Variants in LRSAM1 observed in about 807,000 individuals in gnomAD.
LRSAM1 encodes the protein E3 ubiquitin-protein ligase LRSAM1.
LRSAM1 carries 96 observed loss-of-function variants against 118.1 expected under a neutral mutation model. That is an observed-to-expected ratio of 0.81 (90% CI 0.69 to 0.96). The LOEUF is 0.96. Ranked by LOEUF, LRSAM1 falls within the 40% of genes least tolerant of loss-of-function variation. LRSAM1 has a pLI of 0.00. For missense variants in LRSAM1, 804 were observed against 915.5 expected, an observed-to-expected ratio of 0.88 and a Z score of 1.57; for synonymous variants, 322 against 364.2, an observed-to-expected ratio of 0.88 and a Z score of 1.32.
chr9:127,461,640 A>C (rs990108416), intron 8 of LRSAM1, among the ~76,000 whole-genome samples: 2 of 152,236 alleles, frequency 1.3e-5, no homozygotes, highest in African/African-American at 4.8e-5. Flanking sequence ...TGAGGAGTCC[A>C]CTGGGCAGGC....
chr9:127,458,401 AAAC>A (rs1834607208), intron 6 of LRSAM1, among the ~76,000 whole-genome samples: 1 of 150,836 alleles, frequency 6.6e-6, no homozygotes, highest in Non-Finnish European at 1.5e-5. Context: ...AAACAAAACA[AAAC>A]AAAACAAAAC....
chr9:127,501,029 T>G lies in LRSAM1; in HGVS notation c.1932T>G (p.Gly644=). ...RIQPELKPPM[G]EVVTPTAPQE... ...CCACAGAGCTGAAACCACCAATGGG[T>G]GAGGTCGTCACCCCTACGGCCCCCC... The change falls in exon 25 of 26, where the codon GGT becomes GGG. Residue 644 remains glycine, a synonymous_variant. Transcript: ENST00000300417. 3 of 1,613,808 alleles carry G rather than the reference T, an allele frequency of 1.9e-6. No homozygotes were observed. Among genetic ancestry groups the G allele is most frequent in the Non-Finnish European group, 2.5e-6 (3 of 1,179,980 alleles).
intron 3 of LRSAM1, 99 bp from the exon 4 acceptor site, chr9:127,454,899 G>C: frequency 1.7e-6 from 2 of 1,175,196 alleles, no homozygotes; most frequent in Admixed American, 3.4e-5. Context: ...AGTGTCTATG[G>C]TCCTTTGCAG....
chr9:127,474,240 A>C (rs1588115048), intron 11 of LRSAM1, among the ~76,000 whole-genome samples: 1 of 145,576 alleles, frequency 6.9e-6, no homozygotes, highest in African/African-American at 2.5e-5. Context: ...CTCCCCACTC[A>C]CTTGTCTTAT....
intron 18 of LRSAM1, 121 bp from the exon 19 acceptor site, chr9:127,489,323 C>A: frequency 1.7e-6 from 2 of 1,166,530 alleles, no homozygotes; most frequent in Non-Finnish European, 2.5e-6. Context: ...TCTTCTCCCT[C>A]TCTCAGAAAA....
chr9:127,503,149 C>G lies in LRSAM1; in HGVS notation c.*250C>G. The G allele has an allele frequency of 1.8e-6, 1 of 549,258 alleles. No homozygotes were observed. Among genetic ancestry groups the G allele is most frequent in the South Asian group, 2.0e-5 (1 of 50,026 alleles). 34.0% of individuals were successfully genotyped at this position (549,258 alleles called of 1,614,324 possible). On this transcript the variant is annotated 3_prime_UTR_variant, in exon 26 of 26. Coordinates refer to ENST00000300417, the MANE Select transcript of LRSAM1 (RefSeq NM_001005373.4). The stretch of plus-strand genomic sequence containing the variant: ...GGCTGGAGAGGCCGCTGCACCACCA[C>G]CCGAGCCTGGGAGCCAGCGTCCCAG...
chr9:127,457,501 T>A, intron 6 of LRSAM1, 108 bp downstream of exon 6: 1 of 967,446 alleles, frequency 1.0e-6, no homozygotes, highest in Non-Finnish European at 1.6e-6. Flanking sequence ...GGGCCCAATC[T>A]ACCAGTCAGT....
chr9:127,495,481 G>A (rs545983239), intron 22 of LRSAM1, 63 bp downstream of exon 22: 1 of 1,341,300 alleles, frequency 7.5e-7, no homozygotes, highest in Non-Finnish European at 1.1e-6. Context: ...AGAGGCGCCT[G>A]TGGTGCCTCC....
chr9:127,454,071 C>T (rs12350192), intron 2 of LRSAM1: 8,881 of 245,184 alleles, frequency 0.036, 11 homozygotes, highest in African/African-American at 0.091. Context: ...CCCCTGCCCC[C>T]GTGGAACTCA....
chr9:127,474,518 T>C (rs1181009990), intron 11 of LRSAM1, among the ~76,000 whole-genome samples: 1 of 152,188 alleles, frequency 6.6e-6, no homozygotes, highest in Non-Finnish European at 1.5e-5. Flanking sequence ...CAGAGTGCCC[T>C]GCACAGTTCC....
intron 11 of LRSAM1, among the ~76,000 whole-genome samples, chr9:127,476,640 G>A (rs959347219): frequency 6.6e-6 from 1 of 152,052 alleles, no homozygotes; most frequent in Non-Finnish European, 1.5e-5. Context: ...TGATGATGAA[G>A]TGGCATGAGC....
At chr9:127,456,659 T>A (rs1384624280) in intron 5 of LRSAM1, among the ~76,000 whole-genome samples, 1 of 151,796 alleles carries the variant, frequency 6.6e-6, no homozygotes, top group Non-Finnish European at 1.5e-5. Flanking sequence ...GGTCAGGAGA[T>A]CAAGACCATC....
At chr9:127,497,444 T>G in intron 24 of LRSAM1, 110 bp downstream of exon 24, 1 of 1,086,972 alleles carries the variant, frequency 9.2e-7, no homozygotes, top group Non-Finnish European at 1.4e-6. Flanking sequence ...GGGCTGGTTC[T>G]AGCCTCTGCT....
intron 11 of LRSAM1, 121 bp from the exon 12 acceptor site, chr9:127,478,813 C>T: frequency 1.1e-6 from 1 of 909,324 alleles, no homozygotes; most frequent in East Asian, 2.5e-5. Flanking sequence ...CATTCTGAGG[C>T]AGTGGTCTGG....
chr9:127,459,134 G>A (rs1834639757), intron 7 of LRSAM1, 63 bp downstream of exon 7: 1 of 1,521,174 alleles, frequency 6.6e-7, no homozygotes, highest in African/African-American at 1.4e-5. Flanking sequence ...AGTCACTCAA[G>A]CCTGGAATGT....
intron 7 of LRSAM1, among the ~76,000 whole-genome samples, chr9:127,459,784 C>T (rs535135359): frequency 1.3e-5 from 2 of 152,236 alleles, no homozygotes; most frequent in Non-Finnish European, 2.9e-5. Context: ...ACCTCAAACT[C>T]CTGGCCTCAG....
chr9:127,483,750 G>A (rs1373198381), intron 16 of LRSAM1, among the ~76,000 whole-genome samples: 1 of 152,004 alleles, frequency 6.6e-6, no homozygotes, highest in Non-Finnish European at 1.5e-5. Context: ...TGCAACCTCC[G>A]CCTCCCAGGT....
At chr9:127,484,632 A>G (rs555690877) in intron 16 of LRSAM1, among the ~76,000 whole-genome samples, 87 of 150,932 alleles carry the variant, frequency 5.8e-4, no homozygotes, top group African/African-American at 1.9e-3. Context: ...AAGTGCTTAT[A>G]TTACAGGTGA....
In LRSAM1 at chr9:127,489,692, G is replaced by A. The variant is rs532763743; in HGVS notation, c.1422+174G>A. ...CTCCCTTTGCTCCCAGCCTTGTGTC[G>A]GGGCTGCTGGGAGGGTGTCTAGAGA... On this transcript the variant is annotated intron_variant, in intron 19 of 25. Coordinates refer to ENST00000300417, the MANE Select transcript of LRSAM1 (RefSeq NM_001005373.4). 3.9e-5 allele frequency among the ~76,000 whole-genome samples: 6 copies of A among 152,322 alleles called. 1 individual carries two copies. In the South Asian group the frequency reaches 6.2e-4, roughly 16 times the overall value.
Sources: allele counts gnomAD v4.1 joint callset (sites outside exome capture counted in the v4.1 genomes callset), GRCh38; gene constraint gnomAD v4.1.1; transcripts MANE v1.5; gene names NCBI Gene and HGNC (gene_info 2026-07-23, HGNC 2026-07-21).